DSCAM: variants seen among roughly 807,000 people sequenced by gnomAD.
DSCAM encodes the protein cell adhesion molecule DSCAM.
Under a neutral mutation model 217.7 loss-of-function variants are expected in DSCAM, and 47 were observed. The ratio of observed to expected loss-of-function variants is 0.22; its 90% CI spans 0.17 to 0.28. The LOEUF (loss-of-function observed/expected upper bound fraction) is 0.28. Ranked by LOEUF, DSCAM falls within the 10% of genes least tolerant of loss-of-function variation. The probability of loss-of-function intolerance (pLI) is 1.00; values close to 1 mark genes in which losing one functional copy is unlikely to be tolerated. For missense variants in DSCAM, 2,080 were observed against 2,618.3 expected (o/e 0.79, Z 4.49); for synonymous variants, 1,056 against 1,015.3 (o/e 1.04, Z -0.76).
intron 3 of DSCAM, among the ~76,000 whole-genome samples, chr21:40,447,511 C>G (rs1402196698): frequency 6.6e-6 from 1 of 152,150 alleles, no homozygotes; most frequent in Non-Finnish European, 1.5e-5. Context: ...GATCACAAAA[C>G]ATTACTCAAA....
rs2090765492 is a variant in DSCAM at position 40,178,985 on chromosome 21, C to T, written c.2889G>A (p.Lys963=). 3 of 1,613,914 alleles carry T rather than the reference C, an allele frequency of 1.9e-6. No homozygotes were observed. The highest frequency in any genetic ancestry group is 1.6e-4 in the Middle Eastern group (1 of 6,082). ...TGGGCTCGCTCTTGCCAATCCGGTT[C>T]TTGGCGTACATGCGGATGCTGTAGG... ...SSTYSIRMYA[K]NRIGKSEPSN... The change falls in exon 15 of 33, where the codon AAG becomes AAA. Residue 963 remains lysine, a synonymous_variant. Transcript: ENST00000400454.
intron 1 of DSCAM, among the ~76,000 whole-genome samples, chr21:40,743,738 T>G (rs1483245718): frequency 6.6e-6 from 1 of 152,232 alleles, no homozygotes; most frequent in Non-Finnish European, 1.5e-5. Flanking sequence ...GTCCTTGATC[T>G]GAGGAATTCT....
At chr21:40,419,541 C>T (rs1361090094) in intron 3 of DSCAM, among the ~76,000 whole-genome samples, 1 of 152,044 alleles carries the variant, frequency 6.6e-6, no homozygotes, top group Non-Finnish European at 1.5e-5. Context: ...ACTTCTATAC[C>T]CAGCCATCTT....
intron 19 of DSCAM, among the ~76,000 whole-genome samples, chr21:40,132,950 T>C (rs1568957838): frequency 6.6e-6 from 1 of 152,164 alleles, no homozygotes; most frequent in Non-Finnish European, 1.5e-5. Flanking sequence ...CCTGTACTGC[T>C]TGGGGAACAG....
chr21:40,354,002 A>G (rs11702802), intron 4 of DSCAM, among the ~76,000 whole-genome samples: 1 of 152,242 alleles, frequency 6.6e-6, no homozygotes, highest in Non-Finnish European at 1.5e-5. Context: ...ATCCAGAATG[A>G]GCAGGCTTCA....
rs774264012 is a variant in DSCAM at position 40,144,697 on chromosome 21, C to T, written c.3053G>A (p.Arg1018His). 5.6e-5 allele frequency: 91 copies of T among 1,613,996 alleles called. No homozygotes were observed. The highest frequency in any genetic ancestry group is 7.3e-5 in the Non-Finnish European group (86 of 1,180,014). ...CTCTCGGTAACCTATTTGGTAGCCA[C>T]GGATAATCCCATTTTGCAAATGTTT... ...PKKHLQNGII[R>H]GYQIGYREYS... The change falls in exon 17 of 33, where the codon CGT becomes CAT. Residue 1018 changes from arginine to histidine, a missense_variant. Arg to His is a conservative substitution (Grantham distance 29, BLOSUM62 0). Coordinates refer to ENST00000400454, the MANE Select transcript of DSCAM (RefSeq NM_001389.5). The surrounding 1 kb of genome is among the most constrained non-coding windows in gnomAD (Gnocchi z 4.8).
chr21:40,422,539 G>C (rs905084687), intron 3 of DSCAM, among the ~76,000 whole-genome samples: 4 of 152,166 alleles, frequency 2.6e-5, no homozygotes, highest in Admixed American at 6.5e-5. Context: ...CTACTCAGGA[G>C]GCTGAGGCAG....
At chr21:40,534,464 A>G (rs1443885205) in intron 3 of DSCAM, among the ~76,000 whole-genome samples, 1 of 152,204 alleles carries the variant, frequency 6.6e-6, no homozygotes, top group Non-Finnish European at 1.5e-5. Flanking sequence ...TCTCCAGGGT[A>G]GCTGAAGGGA....
chr21:40,064,184 CAT>C (rs2089171588), intron 27 of DSCAM, among the ~76,000 whole-genome samples: 1 of 137,970 alleles, frequency 7.2e-6, no homozygotes, highest in South Asian at 2.3e-4. Flanking sequence ...CACACACACA[CAT>C]ATATATACAC....
intron 3 of DSCAM, among the ~76,000 whole-genome samples, chr21:40,550,904 G>C (rs959858683): frequency 6.6e-6 from 1 of 152,202 alleles, no homozygotes; most frequent in East Asian, 1.9e-4. Flanking sequence ...TGAATAGTTG[G>C]ATGCAAGTGA....
intron 1 of DSCAM, among the ~76,000 whole-genome samples, chr21:40,749,912 C>A (rs1280777232): frequency 6.6e-6 from 1 of 151,984 alleles, no homozygotes; most frequent in Non-Finnish European, 1.5e-5. Flanking sequence ...CCCCTCTAAT[C>A]CTTCATTGGC....
chr21:40,066,758 G>C (rs1025620521), intron 27 of DSCAM, among the ~76,000 whole-genome samples: 2 of 152,146 alleles, frequency 1.3e-5, no homozygotes, highest in Non-Finnish European at 2.9e-5. Flanking sequence ...GATTGGATTA[G>C]CCTGCCCATG....
In DSCAM at chr21:40,498,682, TATATATATATATATA is replaced by T. The variant is rs2076141329; in HGVS notation, c.509-129452_509-129438del. Among the ~76,000 whole-genome samples, 4 of 6,772 alleles carry T rather than the reference TATATATATATATATA, an allele frequency of 5.9e-4. 1 individual carries two copies. In the African/African-American group the frequency reaches 6.5e-3, roughly 11 times the overall value. The allele number at this position is 6,772 out of a possible 152,430, so 4.4% of individuals were successfully genotyped here. On this transcript the variant is annotated intron_variant, in intron 3 of 32. Coordinates refer to ENST00000400454, the MANE Select transcript of DSCAM (RefSeq NM_001389.5). ...ATATATATACCCATATATATATATA[TATATATATATATATA>T]GATATATATATATGGGTGTATATAT...
At chr21:40,381,002 G>A (rs2075015838) in intron 3 of DSCAM, among the ~76,000 whole-genome samples, 1 of 141,106 alleles carries the variant, frequency 7.1e-6, no homozygotes, top group Non-Finnish European at 1.5e-5. Flanking sequence ...GGCGGAGCCT[G>A]CAGTGAGCCG....
intron 11 of DSCAM, among the ~76,000 whole-genome samples, chr21:40,253,350 T>C (rs1245711183): frequency 6.6e-6 from 1 of 152,234 alleles, no homozygotes; most frequent in Non-Finnish European, 1.5e-5. Context: ...CATGATACAA[T>C]GCAGAATATA....
intron 2 of DSCAM, among the ~76,000 whole-genome samples, chr21:40,707,959 G>T (rs2090735568): frequency 6.6e-6 from 1 of 152,216 alleles, no homozygotes. Flanking sequence ...AGTCAAAAAT[G>T]TTAAAATAGC....
At chr21:40,246,767 G>T (rs2073231848) in intron 11 of DSCAM, among the ~76,000 whole-genome samples, 1 of 152,174 alleles carries the variant, frequency 6.6e-6, no homozygotes. Context: ...GGAGTCCCCA[G>T]GATGCAGGAC....
At chr21:40,613,144 A>G (rs2089338858) in intron 3 of DSCAM, among the ~76,000 whole-genome samples, 1 of 152,254 alleles carries the variant, frequency 6.6e-6, no homozygotes, top group South Asian at 2.1e-4. Flanking sequence ...ATCATGGTCA[A>G]GTGGCTTAAA....
chr21:40,539,387 C>T (rs926955966), intron 3 of DSCAM, among the ~76,000 whole-genome samples: 2 of 151,644 alleles, frequency 1.3e-5, no homozygotes, highest in South Asian at 2.1e-4. Flanking sequence ...CCCAGCTACT[C>T]GGAGAGGCTG....
Sources: gnomAD v4.1 joint callset for allele counts (sites outside exome capture counted in the v4.1 genomes callset) on GRCh38, gnomAD v4.1.1 for gene constraint, Gnocchi (gnomAD v3.1) non-coding constraint, MANE v1.5 for transcripts, NCBI Gene and HGNC (gene_info 2026-07-23, HGNC 2026-07-21) for gene names.